DCC: variants seen among roughly 807,000 people sequenced by gnomAD.
DCC encodes DCC netrin 1 receptor, also known as netrin receptor DCC.
DCC carries 58 observed loss-of-function variants against 172.5 expected under a neutral mutation model. That is an observed-to-expected ratio of 0.34 (90% CI 0.27 to 0.42). The LOEUF (loss-of-function observed/expected upper bound fraction) is 0.42. Ranked by LOEUF, DCC falls within the 10% of genes least tolerant of loss-of-function variation. The probability of loss-of-function intolerance (pLI) is 1.00; values close to 1 mark genes in which losing one functional copy is unlikely to be tolerated. For synonymous variants in DCC, 709 were observed against 644.5 expected (o/e 1.10, Z -1.52); for missense variants, 1,740 against 1,791.0 (o/e 0.97, Z 0.51).
At chr18:52,709,891 G>A (rs1225314700) in intron 1 of DCC, among the ~76,000 whole-genome samples, 1 of 152,172 alleles carries the variant, frequency 6.6e-6, no homozygotes, top group African/African-American at 2.4e-5. Flanking sequence ...ATTTTTAATA[G>A]CAGTGAGATA....
intron 5 of DCC, among the ~76,000 whole-genome samples, chr18:53,026,714 C>A (rs1438869729): frequency 6.6e-6 from 1 of 151,996 alleles, no homozygotes; most frequent in East Asian, 1.9e-4. Context: ...TGCTGCCATA[C>A]CTGACTAAAA....
chr18:53,062,025 T>C (rs140802700), intron 5 of DCC, among the ~76,000 whole-genome samples: 3 of 152,234 alleles, frequency 2.0e-5, no homozygotes, highest in African/African-American at 4.8e-5. Flanking sequence ...TTTTGGTTTA[T>C]TGTCAGTGAA....
At chr18:52,878,304 C>G (rs959921926) in intron 2 of DCC, among the ~76,000 whole-genome samples, 8 of 152,190 alleles carry the variant, frequency 5.3e-5, no homozygotes, top group Non-Finnish European at 1.2e-4. Flanking sequence ...ATTTCCCCAA[C>G]CCATAAGAAT....
intron 1 of DCC, among the ~76,000 whole-genome samples, chr18:52,561,412 C>T (rs1456929636): frequency 6.6e-6 from 1 of 151,180 alleles, no homozygotes; most frequent in Non-Finnish European, 1.5e-5. Flanking sequence ...TAAATATATA[C>T]ATATATATAT....
rs149090148 is a variant in DCC at position 52,346,056 on chromosome 18, A to G, written c.91+5178A>G. The stretch of plus-strand genomic sequence containing the variant: ...GGAAAAAACATTTCTTAATAATATC[A>G]TAATATCAGTAGCATGGGACTGACC... On this transcript the variant is annotated intron_variant, in intron 1 of 28. Transcript: ENST00000442544. Among the ~76,000 whole-genome samples the G allele has an allele frequency of 6.9e-3, 1,055 of 152,324 alleles. 8 individuals carry two copies. Among genetic ancestry groups the G allele is most frequent in the Non-Finnish European group, 0.01 (709 of 68,018 alleles).
chr18:52,841,098 A>G (rs983678743), intron 2 of DCC, among the ~76,000 whole-genome samples: 1 of 152,130 alleles, frequency 6.6e-6, no homozygotes, highest in African/African-American at 2.4e-5. Context: ...ATTCATCTGT[A>G]TCTCAGAGTA....
rs577384342 is a variant in DCC, at chr18:52,650,616, A to G, written c.92-101438A>G. On this transcript the variant is annotated intron_variant, in intron 1 of 28. Transcript: ENST00000442544. ...TAGCCATTCTGAGTGGTATAAGATGATATCTCATTGAAGGTTGATAAATAA... is the reference window on the plus strand; with the variant it reads ...TAGCCATTCTGAGTGGTATAAGATGGTATCTCATTGAAGGTTGATAAATAA... Among the ~76,000 whole-genome samples the G allele has an allele frequency of 8.5e-5, 13 of 152,222 alleles. No homozygotes were observed. In the South Asian group the frequency reaches 2.1e-3, roughly 24 times the overall value.
intron 2 of DCC, among the ~76,000 whole-genome samples, chr18:52,778,560 T>C (rs1193669978): frequency 2.0e-5 from 3 of 152,184 alleles, no homozygotes; most frequent in African/African-American, 7.2e-5. Context: ...CAAATTGTTG[T>C]TAAAGTTTCT....
chr18:52,419,674 C>T (rs1400260431), intron 1 of DCC: 1 of 152,078 alleles, frequency 6.6e-6, no homozygotes, highest in East Asian at 1.9e-4. Context: ...ACTTTTATTT[C>T]CATTTAGAGT....
intron 5 of DCC, chr18:52,934,839 G>A (rs1016119532): frequency 2.0e-5 from 3 of 152,182 alleles, no homozygotes; most frequent in Non-Finnish European, 4.4e-5. Context: ...GAACAGAGAA[G>A]GTGTTGTCTG....
intron 27 of DCC, among the ~76,000 whole-genome samples, chr18:53,512,320 T>C (rs964268962): frequency 6.8e-6 from 1 of 148,028 alleles, no homozygotes; most frequent in Non-Finnish European, 1.5e-5. Context: ...TACATCACCA[T>C]CATCAAAGAC....
At chr18:53,143,254 A>T (rs537669732) in intron 7 of DCC, among the ~76,000 whole-genome samples, 1 of 152,132 alleles carries the variant, frequency 6.6e-6, no homozygotes, top group Non-Finnish European at 1.5e-5. Context: ...TATGACTAAG[A>T]TCTAACATGA....
intron 15 of DCC, among the ~76,000 whole-genome samples, chr18:53,348,708 C>A (rs1269716091): frequency 6.6e-6 from 1 of 152,186 alleles, no homozygotes; most frequent in Admixed American, 6.5e-5. Context: ...AGGCTCAACA[C>A]TACATGGAAG....
At chr18:52,995,702 C>CA (rs1239407267) in intron 5 of DCC, among the ~76,000 whole-genome samples, 1 of 151,848 alleles carries the variant, frequency 6.6e-6, no homozygotes, top group Non-Finnish European at 1.5e-5. Context: ...TTAAATCTGC[C>CA]AAAGATATTT....
chr18:52,825,958 T>C (rs2038501993), intron 2 of DCC, among the ~76,000 whole-genome samples: 1 of 152,212 alleles, frequency 6.6e-6, no homozygotes, highest in African/African-American at 2.4e-5. Flanking sequence ...ATAATATTGT[T>C]ACAGGAAATC....
intron 2 of DCC, chr18:52,818,250 A>G (rs1265173172): frequency 3.3e-5 from 5 of 151,488 alleles, no homozygotes; most frequent in Admixed American, 3.3e-4. Flanking sequence ...TATGGTGACA[A>G]AAAATTTAAA....
intron 1 of DCC, among the ~76,000 whole-genome samples, chr18:52,649,439 T>A (rs1216851248): frequency 1.1e-4 from 16 of 149,634 alleles, no homozygotes; most frequent in Non-Finnish European, 2.4e-4. Context: ...TCTTTTTTTT[T>A]ATATGTGTAA....
intron 20 of DCC, among the ~76,000 whole-genome samples, chr18:53,415,062 G>T (rs1261923355): frequency 6.6e-6 from 1 of 152,136 alleles, no homozygotes; most frequent in South Asian, 2.1e-4. Context: ...ACGTATTTCA[G>T]TTCTAAACAT....
In DCC at chr18:52,903,206, TTTA is replaced by T. The variant is rs548184996; in HGVS notation, c.413-2832_413-2830del. The stretch of plus-strand genomic sequence containing the variant: ...GTAAAATAGATGTTTAATTTTCTGT[TTTA>T]TTATTTCTTTTTTTGAGACAGGTTC... On this transcript the variant is annotated intron_variant, in intron 2 of 28. Transcript: ENST00000442544. 2.8e-3 allele frequency among the ~76,000 whole-genome samples: 428 copies of T among 152,270 alleles called. 1 individual carries two copies. The highest frequency in any genetic ancestry group is 0.01 in the Middle Eastern group (3 of 294).
Sources: gnomAD v4.1 joint callset for allele counts (sites outside exome capture counted in the v4.1 genomes callset) on GRCh38, gnomAD v4.1.1 for gene constraint, MANE v1.5 for transcripts, NCBI Gene and HGNC (gene_info 2026-07-23, HGNC 2026-07-21) for gene names.